The following SPRED2 variants were observed in gnomAD, a reference collection of about 807,000 sequenced individuals.
SPRED2 encodes the protein sprouty-related, EVH1 domain-containing protein 2.
A neutral mutation model predicts 43.0 loss-of-function variants in SPRED2; 47 were observed. The ratio of observed to expected loss-of-function variants is 1.09; its 90% confidence interval spans 0.87 to 1.40. The LOEUF is 1.40. Among genes scored for constraint, SPRED2 ranks in the 40% most tolerant of loss-of-function variants. The probability of loss-of-function intolerance (pLI) is 0.00; values close to 1 mark genes in which losing one functional copy is unlikely to be tolerated. For missense variants in SPRED2, 561 were observed against 586.4 expected, an observed-to-expected ratio of 0.96 and a Z score of 0.45; for synonymous variants, 225 against 225.7, an observed-to-expected ratio of 1.00 and a Z score of 0.03.
chr2:65,343,323 G>C (rs1290573719), intron 2 of SPRED2, among the ~76,000 whole-genome samples: 1 of 152,140 alleles, frequency 6.6e-6, no homozygotes, highest in Non-Finnish European at 1.5e-5. Flanking sequence ...CTTAAAATTA[G>C]CTGTCTTCTC....
At chr2:65,388,850 T>G (rs2103676752) in intron 1 of SPRED2, among the ~76,000 whole-genome samples, 1 of 152,286 alleles carries the variant, frequency 6.6e-6, no homozygotes, top group South Asian at 2.1e-4. Flanking sequence ...TAAAATGGTC[T>G]TTCTCCATCT....
At chr2:65,427,594 T>C (rs1676586902) in intron 1 of SPRED2, among the ~76,000 whole-genome samples, 1 of 152,220 alleles carries the variant, frequency 6.6e-6, no homozygotes, top group South Asian at 2.1e-4. Context: ...ACTACTCCCA[T>C]TATCTTTGAG....
At chr2:65,375,055 G>A (rs142806145) in intron 1 of SPRED2, among the ~76,000 whole-genome samples, 289 of 152,282 alleles carry the variant, frequency 1.9e-3, no homozygotes, top group Admixed American at 2.7e-3. Context: ...ATTGAACAAC[G>A]CACACTCAGC....
At chr2:65,382,135 G>T (rs1675387187) in intron 1 of SPRED2, among the ~76,000 whole-genome samples, 1 of 152,088 alleles carries the variant, frequency 6.6e-6, no homozygotes, top group African/African-American at 2.4e-5. Flanking sequence ...GGCAGCTACT[G>T]GAGCAGCCTG....
At chr2:65,423,038 A>G (rs1231374382) in intron 1 of SPRED2, among the ~76,000 whole-genome samples, 1 of 152,330 alleles carries the variant, frequency 6.6e-6, no homozygotes, top group East Asian at 1.9e-4. Flanking sequence ...AATGAGTAAA[A>G]TTACTGGGAT....
chr2:65,386,675 G>A (rs1279409625), intron 1 of SPRED2, among the ~76,000 whole-genome samples: 1 of 152,182 alleles, frequency 6.6e-6, no homozygotes, highest in Non-Finnish European at 1.5e-5. Flanking sequence ...GAGGAAGAGA[G>A]ATCAAGTAAA....
Position 65,311,588 on chromosome 2 carries a change from G to A in SPRED2, c.*1913C>T, listed in dbSNP as rs1200537510. 4.1e-6 allele frequency: 4 copies of A among 985,736 alleles called. No homozygotes were observed. The highest frequency in any genetic ancestry group is 5.2e-4 in the Middle Eastern group (1 of 1,936). 61.1% of individuals were successfully genotyped at this position (985,736 alleles called of 1,614,324 possible). Reference sequence around the variant, plus strand: ...CCGGGTCGGGGGAAGGTGGTCTCTCGACAGCACTGGAGGCTGGCTGAAGGT... The same window carrying A: ...CCGGGTCGGGGGAAGGTGGTCTCTCAACAGCACTGGAGGCTGGCTGAAGGT... On this transcript the variant is annotated 3_prime_UTR_variant, in exon 6 of 6. Transcript: ENST00000356388.
At chr2:65,363,362 C>T (rs374012150) in intron 1 of SPRED2, among the ~76,000 whole-genome samples, 18 of 152,172 alleles carry the variant, frequency 1.2e-4, no homozygotes, top group East Asian at 7.7e-4. Context: ...AACATGTACC[C>T]GGAAGAATGT....
In SPRED2 at chr2:65,316,805, C is replaced by T. The variant is rs1332718350; in HGVS notation, c.517G>A (p.Glu173Lys). 2 of 1,613,688 alleles carry T rather than the reference C, an allele frequency of 1.2e-6. No individual in the cohort carries two copies. The highest frequency in any genetic ancestry group is 1.7e-6 in the Non-Finnish European group (2 of 1,179,898). The change falls in exon 5 of 6, where the codon GAG (glutamate) becomes AAG (lysine). Residue 173 changes from glutamate to lysine, a missense_variant. Physicochemically the swap from Glu to Lys is moderately conservative, Grantham distance 56. Around this residue, in one of 6 missense-constraint regions of SPRED2, gnomAD observed 305 missense variants for 282.4 expected, o/e 1.08. Coordinates refer to ENST00000356388, the MANE Select transcript of SPRED2 (RefSeq NM_181784.3). ...CCCAGGGTATAAATCCTCCGGTGCT[C>T]ACAGGATGTGGGAGAGGAGATTGTC... The part of the protein sequence containing the change: ...TRTISSPTSC[E>K]HRRIYTLGHL...
chr2:65,427,796 G>A (rs952502390), intron 1 of SPRED2, among the ~76,000 whole-genome samples: 1 of 152,292 alleles, frequency 6.6e-6, no homozygotes, highest in Non-Finnish European at 1.5e-5. Flanking sequence ...GAGTCAGAAC[G>A]ACTGAGGCTG....
chr2:65,378,428 C>T (rs540356675), intron 1 of SPRED2, among the ~76,000 whole-genome samples: 41 of 152,146 alleles, frequency 2.7e-4, no homozygotes, highest in Non-Finnish European at 5.6e-4. Flanking sequence ...ATACTGCAGT[C>T]CACCCCCTCC....
At chr2:65,316,555 A>G (rs534502726) in intron 5 of SPRED2, among the ~76,000 whole-genome samples, 179 bp downstream of exon 5, 55 of 152,338 alleles carry the variant, frequency 3.6e-4, no homozygotes, top group Non-Finnish European at 6.2e-4. Context: ...GGCACACAGA[A>G]AACACTGGAT....
At chr2:65,427,825 T>C (rs972520522) in intron 1 of SPRED2, among the ~76,000 whole-genome samples, 1 of 152,214 alleles carries the variant, frequency 6.6e-6, no homozygotes, top group Non-Finnish European at 1.5e-5. Flanking sequence ...CAATGGTTCA[T>C]AGTGGTTAGT....
chr2:65,426,672 C>G (rs1440858700), intron 1 of SPRED2, among the ~76,000 whole-genome samples: 1 of 152,272 alleles, frequency 6.6e-6, no homozygotes, highest in African/African-American at 2.4e-5. Flanking sequence ...ACCACCCAAA[C>G]GCAATGGCTC....
chr2:65,313,624 C>T lies in SPRED2; in HGVS notation c.1134G>A (p.Trp378Ter). 6.2e-7 allele frequency: 1 copy of T among 1,614,194 alleles called. No homozygotes were observed. Among genetic ancestry groups the T allele is most frequent in the Non-Finnish European group, 8.5e-7 (1 of 1,180,030 alleles). ...GGAAAGACAAGGCAATAAGAGCCAT[C>T]CACCGGAGGCAAAACTTCTCGTCGC... The part of the protein sequence containing the change: ...DTSDEKFCLR[W>*]MALIALSFLA... The change falls in exon 6 of 6, where the codon TGG (tryptophan) becomes TGA (stop). Residue 378 changes from tryptophan (W) to a stop codon, truncating the protein, a stop_gained. Transcript: ENST00000356388. LOFTEE classifies it high-confidence loss of function.
chr2:65,358,296 G>A (rs1674714429), intron 1 of SPRED2, among the ~76,000 whole-genome samples: 1 of 152,150 alleles, frequency 6.6e-6, no homozygotes, highest in South Asian at 2.1e-4. Context: ...ATCCTCTGGG[G>A]GAAAATAAAA....
At chr2:65,376,760 T>A (rs1283210631) in intron 1 of SPRED2, among the ~76,000 whole-genome samples, 1 of 152,092 alleles carries the variant, frequency 6.6e-6, no homozygotes. Flanking sequence ...TGTTGCCCAG[T>A]CTGGAGTGCA....
At chr2:65,330,210 A>T (rs925042362) in intron 4 of SPRED2, among the ~76,000 whole-genome samples, 4 of 152,140 alleles carry the variant, frequency 2.6e-5, no homozygotes, top group Admixed American at 2.6e-4. Flanking sequence ...TGGCTCACAT[A>T]CCTTTGTATT....
Position 65,356,536 on chromosome 2 carries a change from C to CTTTTTTTTTTT in SPRED2, c.27-11651_27-11641dup, listed in dbSNP as rs1274369940. On this transcript the variant is annotated intron_variant, in intron 1 of 5. Coordinates refer to ENST00000356388, the MANE Select transcript of SPRED2 (RefSeq NM_181784.3). Reference sequence around the variant, plus strand: ...TTAGAGTGCAGTTCCCCAGTTCCCTCTTTTTTTTTTTTTTTTTTTTTTGTG... The same window carrying CTTTTTTTTTTT: ...TTAGAGTGCAGTTCCCCAGTTCCCTCTTTTTTTTTTTTTTTTTTTTTTTTTTTTTTTTTGTG... 1.5e-3 allele frequency among the ~76,000 whole-genome samples: 90 copies of CTTTTTTTTTTT among 60,508 alleles called. 2 individuals carry two copies. The highest frequency in any genetic ancestry group is 6.9e-3 in the East Asian group (4 of 582). 39.7% of individuals were successfully genotyped at this position (60,508 alleles called of 152,430 possible).
Sources: gnomAD v4.1 joint callset for allele counts (sites outside exome capture counted in the v4.1 genomes callset) on GRCh38, gnomAD v4.1.1 for gene constraint, gnomAD v4.1.1 regional missense constraint, MANE v1.5 for transcripts, NCBI Gene and HGNC (gene_info 2026-07-23, HGNC 2026-07-21) for gene names.